The following SIRPG variants were observed in gnomAD, a reference collection of about 807,000 sequenced individuals.
SIRPG encodes the protein signal regulatory protein gamma, also known as signal-regulatory protein gamma.
A neutral mutation model predicts 35.7 loss-of-function variants in SIRPG; 38 were observed. The ratio of observed to expected loss-of-function variants is 1.06; its 90% CI spans 0.82 to 1.40. The LOEUF (loss-of-function observed/expected upper bound fraction) is 1.40, where lower values mean the gene tolerates loss of function less well. SIRPG is among the 40% of genes most tolerant of loss of function. The pLI is 0.00. For synonymous variants in SIRPG, 215 were observed against 190.4 expected (o/e 1.13, Z -1.06); for missense variants, 519 against 483.0 (o/e 1.07, Z -0.70).
intron 2 of SIRPG, chr20:1,637,176 T>C (rs78944216): frequency 2.0e-3 from 357 of 177,878 alleles, no homozygotes; most frequent in Non-Finnish European, 3.5e-3. Flanking sequence ...ATTTATTCCA[T>C]ATTTTTCATT....
chr20:1,652,252 T>C (rs1317399109), intron 1 of SIRPG, among the ~76,000 whole-genome samples: 4 of 152,200 alleles, frequency 2.6e-5, no homozygotes, highest in African/African-American at 7.2e-5. Context: ...GTGGTCCAGA[T>C]CTAGGGGGAA....
the SIRPG span, among the ~76,000 whole-genome samples, chr20:1,681,265 A>C: frequency 2.1e-4 from 32 of 152,308 alleles, 1 homozygote; most frequent in East Asian, 6.0e-3. Flanking sequence ...CAGCTGCAGA[A>C]ATCTCATGGA....
intron 3 of SIRPG, 98 bp from the exon 4 acceptor site, chr20:1,635,697 C>G: frequency 7.8e-7 from 1 of 1,276,976 alleles, no homozygotes; most frequent in Non-Finnish European, 1.1e-6. Context: ...GAGGGCATCA[C>G]CAGGACAGTG....
chr20:1,680,281 C>A, the SIRPG span, among the ~76,000 whole-genome samples: 1 of 152,124 alleles, frequency 6.6e-6, no homozygotes. Flanking sequence ...AAACAATGCC[C>A]CTCTTGGCCT....
chr20:1,635,589 G>A lies in SIRPG; in HGVS notation c.759C>T (p.Thr253=). Residue 253 remains threonine (T), a synonymous_variant, in exon 4 of 6, where the codon ACC becomes ACT. Coordinates refer to ENST00000303415, the MANE Select transcript of SIRPG (RefSeq NM_018556.4). ...TCATGGGCTGTTGAGTAACCTCCAA[G>A]GTGGGTGGAACTGAAACAGCACAGG... ...NLSEAIRVPP[T]LEVTQQPMRV... is the part of the protein sequence containing the mutation. The A allele has an allele frequency of 1.9e-6, 3 of 1,614,106 alleles. No homozygotes were observed. The highest frequency in any genetic ancestry group is 2.5e-6 in the Non-Finnish European group (3 of 1,179,968).
At chr20:1,655,058 A>G (rs1381375385) in intron 1 of SIRPG, among the ~76,000 whole-genome samples, 1 of 152,240 alleles carries the variant, frequency 6.6e-6, no homozygotes, top group African/African-American at 2.4e-5. Context: ...GAGAAAAGGG[A>G]ACCCTTGCAG....
At chr20:1,664,071 G>C in the SIRPG span, among the ~76,000 whole-genome samples, 1 of 152,216 alleles carries the variant, frequency 6.6e-6, no homozygotes, top group African/African-American at 2.4e-5. Flanking sequence ...GGAAGGAAGA[G>C]AGAGAGAGAA....
chr20:1,668,116 C>T, the SIRPG span, among the ~76,000 whole-genome samples: 1 of 151,368 alleles, frequency 6.6e-6, no homozygotes, highest in Non-Finnish European at 1.5e-5. Context: ...TCACAGGAGC[C>T]CTTTCTTTCT....
chr20:1,653,473 A>T (rs1375612502), intron 1 of SIRPG, among the ~76,000 whole-genome samples: 1 of 152,220 alleles, frequency 6.6e-6, no homozygotes, highest in East Asian at 1.9e-4. Flanking sequence ...GATGACAAGG[A>T]TAAGGATAAG....
In SIRPG at chr20:1,655,556, T is replaced by C. The variant is rs184958288; in HGVS notation, c.73+2086A>G. 2.9e-3 allele frequency among the ~76,000 whole-genome samples: 447 copies of C among 152,298 alleles called. 4 individuals are homozygous for C. The highest frequency in any genetic ancestry group is 0.01 in the African/African-American group (427 of 41,552). ...AGTTGGGGAGATATTAGTCAAAGGATACAAAATTTCAATTTAAATAAGAGA... is the reference window on the plus strand; with the variant it reads ...AGTTGGGGAGATATTAGTCAAAGGACACAAAATTTCAATTTAAATAAGAGA... On this transcript the variant is annotated intron_variant, in intron 1 of 5. Transcript: ENST00000303415.
chr20:1,673,336 T>C, the SIRPG span, among the ~76,000 whole-genome samples: 1 of 152,122 alleles, frequency 6.6e-6, no homozygotes. Context: ...GAGGGGGTCC[T>C]AATGTGAGCC....
chr20:1,660,930 C>A (rs1280676319), upstream of SIRPG, among the ~76,000 whole-genome samples: 2 of 152,160 alleles, frequency 1.3e-5, no homozygotes, highest in African/African-American at 4.8e-5. Context: ...CCTGGGGTCA[C>A]TATTAACTTC....
chr20:1,644,777 G>A (rs931868864), intron 2 of SIRPG, among the ~76,000 whole-genome samples: 11 of 152,312 alleles, frequency 7.2e-5, no homozygotes, highest in East Asian at 5.8e-4. Context: ...CTCACTCACC[G>A]CCTCCCTTGG....
chr20:1,678,536 A>G, the SIRPG span, among the ~76,000 whole-genome samples: 1 of 152,172 alleles, frequency 6.6e-6, no homozygotes, highest in Non-Finnish European at 1.5e-5. Context: ...AGTGAGGTAT[A>G]GATACAACAA....
chr20:1,663,693 T>A, the SIRPG span, among the ~76,000 whole-genome samples: 1 of 152,252 alleles, frequency 6.6e-6, no homozygotes, highest in Non-Finnish European at 1.5e-5. Flanking sequence ...CATAATTGAA[T>A]GTTGCGTGTA....
At chr20:1,658,794 C>T (rs2091988067), upstream of SIRPG, among the ~76,000 whole-genome samples, 1 of 152,166 alleles carries the variant, frequency 6.6e-6, no homozygotes, top group Non-Finnish European at 1.5e-5. Flanking sequence ...ATCCCTCCTG[C>T]ATGCTGAGTT....
chr20:1,670,329 G>T, the SIRPG span: 1 of 180,664 alleles, frequency 5.5e-6, no homozygotes, highest in Non-Finnish European at 1.3e-5. Flanking sequence ...CCACCACGGT[G>T]AGGGCATCAC....
At chr20:1,675,030 T>C in the SIRPG span, among the ~76,000 whole-genome samples, 3 of 152,136 alleles carry the variant, frequency 2.0e-5, no homozygotes, top group African/African-American at 7.2e-5. Flanking sequence ...AATTGTCCCT[T>C]TGAGATTCTT....
Position 1,635,265 on chromosome 20 carries a change from A to G in SIRPG, c.1081+2T>C. The stretch of plus-strand genomic sequence containing the variant: ...AAATTTAAAAATTTTGAGTAACCTC[A>G]CCAGGGGTAGCATCTGAGCTCTGGT... On this transcript the variant is annotated splice_donor_variant, in intron 4 of 5. Coordinates refer to ENST00000303415, the MANE Select transcript of SIRPG (RefSeq NM_018556.4). LOFTEE classifies it high-confidence loss of function. 1 of 1,597,924 alleles carries G rather than the reference A, an allele frequency of 6.3e-7. No individual in the cohort carries two copies. Among genetic ancestry groups the G allele is most frequent in the Non-Finnish European group, 8.6e-7 (1 of 1,169,386 alleles).
Sources: gnomAD v4.1 joint callset for allele counts (sites outside exome capture counted in the v4.1 genomes callset) on GRCh38, gnomAD v4.1.1 for gene constraint, MANE v1.5 for transcripts, NCBI Gene and HGNC (gene_info 2026-07-23, HGNC 2026-07-21) for gene names.